Variants in FBXL7 observed in about 807,000 individuals in gnomAD.
FBXL7 encodes the protein F-box/LRR-repeat protein 7.
Under a neutral mutation model 38.3 loss-of-function variants are expected in FBXL7, and 12 were observed. That is an observed-to-expected ratio of 0.31 (90% CI 0.20 to 0.51). The LOEUF (loss-of-function observed/expected upper bound fraction) is 0.51. FBXL7 is among the 20% of genes least tolerant of loss of function. FBXL7 has a pLI of 0.98. For synonymous variants in FBXL7, 297 were observed against 300.9 expected (o/e 0.99, Z 0.13); for missense variants, 567 against 676.4 (o/e 0.84, Z 1.79).
At chr5:15,805,071 G>T (rs1461088216) in intron 2 of FBXL7, among the ~76,000 whole-genome samples, 2 of 152,124 alleles carry the variant, frequency 1.3e-5, no homozygotes, top group Non-Finnish European at 2.9e-5. Flanking sequence ...CTCTCTGTAT[G>T]TGTCTATCAT....
chr5:15,925,647 T>A (rs756143182), intron 2 of FBXL7, among the ~76,000 whole-genome samples: 2 of 152,224 alleles, frequency 1.3e-5, no homozygotes, highest in Non-Finnish European at 2.9e-5. Context: ...AGCTTTTGTT[T>A]AAATCTTGAG....
chr5:15,690,940 T>G (rs960243692), intron 2 of FBXL7, among the ~76,000 whole-genome samples: 2 of 152,200 alleles, frequency 1.3e-5, no homozygotes, highest in Non-Finnish European at 2.9e-5. Context: ...GCTTGGAGTG[T>G]TATCAGTTTT....
At chr5:15,861,709 C>A (rs1166802621) in intron 2 of FBXL7, among the ~76,000 whole-genome samples, 2 of 152,104 alleles carry the variant, frequency 1.3e-5, no homozygotes, top group Non-Finnish European at 2.9e-5. Flanking sequence ...ACATAACCAG[C>A]CCTGCTGGTG....
chr5:15,935,238 C>A (rs577167019), intron 3 of FBXL7: 1 of 534,748 alleles, frequency 1.9e-6, no homozygotes, highest in Non-Finnish European at 3.8e-6. Flanking sequence ...AGTGAACGGG[C>A]GCCATCCCGA....
At chr5:15,675,077 A>T (rs1352583370) in intron 2 of FBXL7, among the ~76,000 whole-genome samples, 1 of 152,206 alleles carries the variant, frequency 6.6e-6, no homozygotes, top group Non-Finnish European at 1.5e-5. Context: ...ATCCAAACTA[A>T]ATCAGCAATC....
At chr5:15,790,957 C>A (rs1579465101) in intron 2 of FBXL7, among the ~76,000 whole-genome samples, 1 of 151,612 alleles carries the variant, frequency 6.6e-6, no homozygotes, top group East Asian at 1.9e-4. Context: ...ATGGGAAGTC[C>A]GTGAGTACCA....
chr5:15,620,407 T>G (rs1040888082), intron 2 of FBXL7, among the ~76,000 whole-genome samples: 4 of 118,222 alleles, frequency 3.4e-5, no homozygotes, highest in African/African-American at 1.0e-4. Flanking sequence ...TAATTTTTTG[T>G]TTTTTGTTTT....
chr5:15,590,347 T>G (rs1177372639), intron 1 of FBXL7, among the ~76,000 whole-genome samples: 2 of 152,090 alleles, frequency 1.3e-5, no homozygotes, highest in Admixed American at 6.5e-5. Context: ...CTGCCTCTAC[T>G]TTTACTACCT....
At chr5:15,827,703 G>C (rs1433210736) in intron 2 of FBXL7, among the ~76,000 whole-genome samples, 1 of 152,074 alleles carries the variant, frequency 6.6e-6, no homozygotes, top group African/African-American at 2.4e-5. Context: ...CCACTCAAAG[G>C]TCTCCTCTCC....
chr5:15,782,884 A>G (rs1484439067), intron 2 of FBXL7, among the ~76,000 whole-genome samples: 1 of 152,106 alleles, frequency 6.6e-6, no homozygotes, highest in Non-Finnish European at 1.5e-5. Flanking sequence ...TGGAAAAGTA[A>G]ATCTAGGAAA....
chr5:15,540,183 T>A (rs1273676042), intron 1 of FBXL7, among the ~76,000 whole-genome samples: 4 of 152,200 alleles, frequency 2.6e-5, no homozygotes, highest in Non-Finnish European at 5.9e-5. Context: ...ATCAAATATT[T>A]GTTTAAATGA....
At chr5:15,582,632 T>G (rs1739177742) in intron 1 of FBXL7, among the ~76,000 whole-genome samples, 2 of 152,208 alleles carry the variant, frequency 1.3e-5, no homozygotes, top group Non-Finnish European at 2.9e-5. Flanking sequence ...TATAAATGAT[T>G]AGATAAACAG....
chr5:15,678,196 A>G (rs1026321227), intron 2 of FBXL7, among the ~76,000 whole-genome samples: 2 of 152,172 alleles, frequency 1.3e-5, no homozygotes, highest in African/African-American at 4.8e-5. Context: ...GAAACCTCCA[A>G]AGCAAACAGA....
At chr5:15,539,875 G>A (rs2126405451) in intron 1 of FBXL7, among the ~76,000 whole-genome samples, 1 of 152,088 alleles carries the variant, frequency 6.6e-6, no homozygotes, top group East Asian at 1.9e-4. Context: ...ATTTTATTCT[G>A]TTTATGGATT....
At chr5:15,549,906 G>T (rs972461280) in intron 1 of FBXL7, among the ~76,000 whole-genome samples, 1 of 152,202 alleles carries the variant, frequency 6.6e-6, no homozygotes, top group Non-Finnish European at 1.5e-5. Context: ...ACAGAAACTG[G>T]ATAGCCAAGG....
intron 2 of FBXL7, among the ~76,000 whole-genome samples, chr5:15,750,451 G>A (rs1348103895): frequency 6.6e-6 from 1 of 152,108 alleles, no homozygotes; most frequent in East Asian, 1.9e-4. Flanking sequence ...TTGAGTCTTT[G>A]CTAGTAGCTT....
At chr5:15,742,581 ACAGGTAGGACTACAT>A (rs1366270583) in intron 2 of FBXL7, among the ~76,000 whole-genome samples, 4 of 152,204 alleles carry the variant, frequency 2.6e-5, no homozygotes, top group African/African-American at 9.7e-5. Context: ...ATGCTGATGA[ACAGGTAGGACTACAT>A]TGTAATTTGC....
chr5:15,898,734 A>G (rs1741163388), intron 2 of FBXL7, among the ~76,000 whole-genome samples: 1 of 152,226 alleles, frequency 6.6e-6, no homozygotes, highest in African/African-American at 2.4e-5. Flanking sequence ...CAGCTAATCC[A>G]TTATGCCCAT....
At chr5:15,919,383 C>T (rs1216147054) in intron 2 of FBXL7, among the ~76,000 whole-genome samples, 4 of 151,880 alleles carry the variant, frequency 2.6e-5, no homozygotes, top group Admixed American at 6.6e-5. Context: ...TAATTACTAA[C>T]GATATAAAAT....
Sources: allele counts gnomAD v4.1 joint callset (sites outside exome capture counted in the v4.1 genomes callset), GRCh38; gene constraint gnomAD v4.1.1; transcripts MANE v1.5; gene names NCBI Gene and HGNC (gene_info 2026-07-23, HGNC 2026-07-21).